The following SRGAP2C variants were observed in gnomAD, a reference collection of about 807,000 sequenced individuals.
SRGAP2C encodes SLIT-ROBO Rho GTPase-activating protein 2C.
In SRGAP2C, 15 loss-of-function variants were observed where a neutral mutation model predicts 25.1. That is an observed-to-expected ratio of 0.60 (90% CI 0.40 to 0.92). The LOEUF (loss-of-function observed/expected upper bound fraction) is 0.92, where lower values mean the gene tolerates loss of function less well. SRGAP2C is among the 40% of genes least tolerant of loss of function. SRGAP2C has a pLI of 0.00. For missense variants in SRGAP2C, 144 were observed against 264.4 expected, an observed-to-expected ratio of 0.54 and a Z score of 3.16; for synonymous variants, 44 against 96.6, an observed-to-expected ratio of 0.46 and a Z score of 3.19.
At chr1:121,378,939 G>T (rs1421664637) in intron 7 of SRGAP2C, among the ~76,000 whole-genome samples, 2 of 152,202 alleles carry the variant, frequency 1.3e-5, no homozygotes, top group Non-Finnish European at 2.9e-5. Flanking sequence ...AGGCCAAAAA[G>T]ACGTTCTGAG....
intron 4 of SRGAP2C, among the ~76,000 whole-genome samples, chr1:121,357,618 A>T (rs1659093226): frequency 7.3e-6 from 1 of 136,264 alleles, no homozygotes; most frequent in East Asian, 2.3e-4. Context: ...GAAAAAGATT[A>T]TGCAACAGCA....
chr1:121,392,123 T>C lies in SRGAP2C; in HGVS notation c.*4268T>C, dbSNP rs1274730332. ...AGCCATGAACTTGAAGAGAAGAAAATGGAAAATACTGTCTCTGAGAAACAG... is the reference window on the plus strand; with the variant it reads ...AGCCATGAACTTGAAGAGAAGAAAACGGAAAATACTGTCTCTGAGAAACAG... On this transcript the variant is annotated 3_prime_UTR_variant, in exon 10 of 10. Coordinates refer to ENST00000367123, the MANE Select transcript of SRGAP2C (RefSeq NM_001329984.2). The C allele has an allele frequency of 2.0e-5, 3 of 151,906 alleles. No individual in the cohort carries two copies. The highest frequency in any genetic ancestry group is 7.3e-5 in the African/African-American group (3 of 41,366). 9.4% of individuals were successfully genotyped at this position (151,906 alleles called of 1,614,324 possible).
chr1:121,322,104 T>C (rs1419703544), intron 3 of SRGAP2C, among the ~76,000 whole-genome samples: 8 of 149,756 alleles, frequency 5.3e-5, no homozygotes, highest in African/African-American at 2.0e-4. Context: ...TTTGTGTGTA[T>C]GTAAAGTGCT....
chr1:121,270,828 T>C (rs1403260484), intron 2 of SRGAP2C, among the ~76,000 whole-genome samples: 2 of 149,718 alleles, frequency 1.3e-5, no homozygotes, highest in Admixed American at 6.6e-5. Flanking sequence ...AGTCTCGCTC[T>C]GTCGCCCAGG....
chr1:121,286,622 G>A (rs1234474945), intron 3 of SRGAP2C, among the ~76,000 whole-genome samples: 6 of 152,330 alleles, frequency 3.9e-5, no homozygotes, highest in African/African-American at 1.2e-4. Flanking sequence ...TGTTAGAAAT[G>A]CAGTATCTCA....
In SRGAP2C at chr1:121,270,703, T is replaced by A. The variant is rs587659340; in HGVS notation, c.68-14100T>A. Among the ~76,000 whole-genome samples the A allele has an allele frequency of 3.0e-3, 422 of 140,218 alleles. 4 individuals are homozygous for A. The highest frequency in any genetic ancestry group is 4.5e-3 in the Admixed American group (63 of 14,020). 92.0% of individuals were successfully genotyped at this position (140,218 alleles called of 152,430 possible). A position where few individuals can be genotyped will look rare whatever the true frequency, so the allele number is the denominator to read the frequency against. The stretch of plus-strand genomic sequence containing the variant: ...CAGGGCCAATTTTGTTTTATCTGTA[T>A]CCCTCACCCATTCCCACTCTCCTCC... On this transcript the variant is annotated intron_variant, in intron 2 of 9. Coordinates refer to ENST00000367123, the MANE Select transcript of SRGAP2C (RefSeq NM_001329984.2).
chr1:121,320,818 A>G (rs1233426974), intron 3 of SRGAP2C, among the ~76,000 whole-genome samples: 45 of 152,172 alleles, frequency 3.0e-4, no homozygotes, highest in Middle Eastern at 3.4e-3. Context: ...ATAAGCCCCA[A>G]CATGTATAAT....
At chr1:121,372,004 A>G (rs587755088) in intron 5 of SRGAP2C, among the ~76,000 whole-genome samples, 568 of 152,264 alleles carry the variant, frequency 3.7e-3, no homozygotes, top group Admixed American at 9.0e-3. Context: ...GGTCTGTTTG[A>G]ATTACTTAGA....
chr1:121,315,437 C>T (rs1553340518), intron 3 of SRGAP2C, among the ~76,000 whole-genome samples: 6 of 148,430 alleles, frequency 4.0e-5, no homozygotes, highest in South Asian at 2.1e-4. Flanking sequence ...TAGTTCAAGG[C>T]GCTTTCCACA....
At chr1:121,362,576 C>T (rs1553348793) in intron 4 of SRGAP2C, among the ~76,000 whole-genome samples, 1 of 151,212 alleles carries the variant, frequency 6.6e-6, no homozygotes, top group Non-Finnish European at 1.5e-5. Flanking sequence ...GGAATAGGAG[C>T]TTTCTCCTTT....
At chr1:121,276,201 C>G (rs1190749291) in intron 2 of SRGAP2C, among the ~76,000 whole-genome samples, 2 of 144,430 alleles carry the variant, frequency 1.4e-5, no homozygotes, top group Admixed American at 1.4e-4. Context: ...TTTGACCTCT[C>G]TACCATTCAG....
intron 2 of SRGAP2C, among the ~76,000 whole-genome samples, chr1:121,255,284 G>A (rs1656431848): frequency 6.6e-6 from 1 of 151,070 alleles, no homozygotes; most frequent in South Asian, 2.1e-4. Flanking sequence ...GTCTGTGGGT[G>A]GTCACTGTGT....
intron 3 of SRGAP2C, among the ~76,000 whole-genome samples, chr1:121,308,039 A>T: frequency 6.6e-6 from 1 of 152,010 alleles, no homozygotes; most frequent in East Asian, 1.9e-4. Context: ...CTCTGGGTTC[A>T]TGGACCCTTG....
intron 2 of SRGAP2C, among the ~76,000 whole-genome samples, chr1:121,198,429 G>T (rs1362874465): frequency 9.4e-6 from 1 of 106,362 alleles, no homozygotes; most frequent in Non-Finnish European, 1.9e-5. Flanking sequence ...ATCATGGCAT[G>T]GTGGGCAGGA....
At chr1:121,196,507 C>T (rs199652566) in intron 2 of SRGAP2C, among the ~76,000 whole-genome samples, 3,641 of 45,240 alleles carry the variant, frequency 0.08, 237 homozygotes, top group East Asian at 0.14. Context: ...GACTTCTGAA[C>T]GTAGGAATGT....
intron 2 of SRGAP2C, among the ~76,000 whole-genome samples, chr1:121,278,124 A>T (rs1284449346): frequency 3.3e-5 from 5 of 151,686 alleles, no homozygotes; most frequent in South Asian, 2.1e-4. Context: ...TAAAAAAAAA[A>T]TTTGTAGAGC....
At chr1:121,273,962 A>T (rs374304324) in intron 2 of SRGAP2C, among the ~76,000 whole-genome samples, 10 of 151,546 alleles carry the variant, frequency 6.6e-5, no homozygotes, top group East Asian at 5.8e-4. Flanking sequence ...TGCAACAGGA[A>T]CTGGGCAGAC....
chr1:121,192,299 C>T (rs1430356838), intron 2 of SRGAP2C, among the ~76,000 whole-genome samples: 2 of 151,788 alleles, frequency 1.3e-5, no homozygotes, highest in Non-Finnish European at 1.5e-5. Flanking sequence ...TGCAGTAAAA[C>T]ATTTAGTTGG....
intron 4 of SRGAP2C, among the ~76,000 whole-genome samples, chr1:121,328,363 CAA>C (rs1658358497): frequency 6.7e-6 from 1 of 149,350 alleles, no homozygotes; most frequent in African/African-American, 2.4e-5. Context: ...TTGTCACTAG[CAA>C]AAGTCAACAT....
Sources: allele counts gnomAD v4.1 joint callset (sites outside exome capture counted in the v4.1 genomes callset), GRCh38; gene constraint gnomAD v4.1.1; transcripts MANE v1.5; gene names NCBI Gene and HGNC (gene_info 2026-07-23, HGNC 2026-07-21).